The following VCPIP1 variants were observed in gnomAD, a reference collection of about 807,000 sequenced individuals.
VCPIP1 encodes the protein valosin containing protein interacting protein 1.
VCPIP1 carries 8 observed loss-of-function variants against 85.0 expected under a neutral mutation model. That is an observed-to-expected ratio of 0.09 (90% CI 0.06 to 0.17). The LOEUF is 0.17. Ranked by LOEUF, VCPIP1 falls within the 10% of genes least tolerant of loss-of-function variation. The pLI, the probability that VCPIP1 is intolerant of heterozygous loss-of-function variation, is 1.00. For synonymous variants in VCPIP1, 543 were observed against 544.5 expected (o/e 1.00, Z 0.04); for missense variants, 1,070 against 1,486.3 (o/e 0.72, Z 4.61).
intron 2 of VCPIP1, among the ~76,000 whole-genome samples, chr8:66,635,913 C>CAAAAA (rs1187108604): frequency 5.3e-5 from 4 of 75,716 alleles, no homozygotes; most frequent in Non-Finnish European, 5.3e-5. Context: ...AACTCTATCT[C>CAAAAA]AAAAAAAAAA....
chr8:66,666,913 G>A lies in VCPIP1; in HGVS notation c.46C>T (p.Pro16Ser). ...GGAGTCTGTGGAGCCTCAGGGGGAG[G>A]AGGTGGCGGCGGCAACGGAGGCGGC... is the stretch of plus-strand genomic sequence containing the variant. ...PPPPPLPPPP[P>S]PPEAPQTPSS... The change falls in exon 1 of 3, where the codon CCT (proline) becomes TCT (serine). Residue 16 changes from proline to serine, a missense_variant. Pro to Ser is a moderately conservative substitution (Grantham distance 74). Around this residue, in one of 8 missense-constraint regions of VCPIP1, gnomAD observed 164 missense variants for 158.6 expected, o/e 1.03. Coordinates refer to ENST00000310421, the MANE Select transcript of VCPIP1 (RefSeq NM_025054.5). The surrounding 1 kb of genome is among the most constrained non-coding windows in gnomAD (Gnocchi z 6.3). The A allele has an allele frequency of 6.3e-7, 1 of 1,592,044 alleles. No individual in the cohort carries two copies. The highest frequency in any genetic ancestry group is 1.9e-5 in the Admixed American group (1 of 52,400).
chr8:66,652,365 G>C (rs1429337681), intron 1 of VCPIP1, among the ~76,000 whole-genome samples: 2 of 152,180 alleles, frequency 1.3e-5, no homozygotes, highest in East Asian at 3.9e-4. Context: ...TGTAATCCCA[G>C]CACTTTGGGA....
chr8:66,637,481 ATC>A (rs1810899705), intron 2 of VCPIP1, among the ~76,000 whole-genome samples: 1 of 133,202 alleles, frequency 7.5e-6, no homozygotes, highest in Non-Finnish European at 1.5e-5. Context: ...GCAAGACTCC[ATC>A]TCAAAAAAAA....
rs1586619962 is a variant in VCPIP1, at chr8:66,633,465, GA to G, written c.*1035del. Reference sequence around the variant, plus strand: ...AGGAAACTGGCACTGAAGATTTGATGAATACACTAAGCAAATACCCAGCTGA... The same window carrying G: ...AGGAAACTGGCACTGAAGATTTGATGATACACTAAGCAAATACCCAGCTGA... On this transcript the variant is annotated 3_prime_UTR_variant, in exon 3 of 3. Coordinates refer to ENST00000310421, the MANE Select transcript of VCPIP1 (RefSeq NM_025054.5). The G allele has an allele frequency of 6.6e-6, 1 of 151,838 alleles. No individual in the cohort carries two copies. The highest frequency in any genetic ancestry group is 1.5e-5 in the Non-Finnish European group (1 of 67,884). 9.4% of individuals were successfully genotyped at this position (151,838 alleles called of 1,614,324 possible). A position where few individuals can be genotyped will look rare whatever the true frequency, so the allele number is the denominator to read the frequency against.
chr8:66,636,913 T>G (rs552136374), intron 2 of VCPIP1, among the ~76,000 whole-genome samples: 3 of 152,104 alleles, frequency 2.0e-5, no homozygotes, highest in Admixed American at 6.5e-5. Context: ...AAAATGTGCA[T>G]GATGCTGCAA....
rs779153805 is a variant in VCPIP1 at position 66,665,690 on chromosome 8, G to C, written c.1269C>G (p.Asp423Glu). Residue 423 changes from aspartate to glutamate, a missense_variant, in exon 1 of 3, where the codon GAC becomes GAG. Asp to Glu is a conservative substitution (Grantham distance 45). Transcript: ENST00000310421. The surrounding 1 kb of genome is among the most constrained non-coding windows in gnomAD (Gnocchi z 4.3). ...LVAAMEEVFM[D>E]KHGIHPSLVA... ...CCAAACTAGGATGGATACCATGTTT[G>C]TCCATAAAGACTTCTTCCATAGCAG... The C allele has an allele frequency of 6.2e-7, 1 of 1,614,092 alleles. No individual in the cohort carries two copies.
intron 2 of VCPIP1, among the ~76,000 whole-genome samples, chr8:66,650,860 CAAAAAAA>C (rs770736039): frequency 1.4e-4 from 2 of 13,914 alleles, no homozygotes; most frequent in Non-Finnish European, 2.9e-4. Flanking sequence ...GACTTCGTCT[CAAAAAAA>C]AAAAAAAAAA....
rs57563619 is a variant in VCPIP1 at position 66,639,321 on chromosome 8, CT to C, written c.2798-3950del. Among the ~76,000 whole-genome samples, 615 of 67,796 alleles carry C rather than the reference CT, an allele frequency of 9.1e-3. 2 individuals are homozygous for C. The highest frequency in any genetic ancestry group is 0.038 in the African/African-American group (570 of 15,158). The allele number at this position is 67,796 out of a possible 152,430, so 44.5% of individuals were successfully genotyped here. On this transcript the variant is annotated intron_variant, in intron 2 of 2. Transcript: ENST00000310421. ...ATATTTTAAGCCAATTAATTTTATT[CT>C]TTTTTTTTTTTTTTTTTTTTTTTTT...
chr8:66,641,043 T>C (rs1305923624), intron 2 of VCPIP1, among the ~76,000 whole-genome samples: 2 of 152,184 alleles, frequency 1.3e-5, no homozygotes, highest in Non-Finnish European at 1.5e-5. Context: ...GGGCCACAGG[T>C]ACCCCCCTAG....
chr8:66,642,071 A>G (rs527447054), intron 2 of VCPIP1, among the ~76,000 whole-genome samples: 2 of 152,188 alleles, frequency 1.3e-5, no homozygotes, highest in African/African-American at 2.4e-5. Flanking sequence ...TGAGGGTTCC[A>G]ATTTCTCTAC....
Position 66,665,462 on chromosome 8 carries a change from AT to A in VCPIP1, c.1496del (p.His499LeufsTer4). On this transcript the variant is annotated frameshift_variant, in exon 1 of 3. Transcript: ENST00000310421. LOFTEE classifies it high-confidence loss of function. This position sits in a 1 kb window ranked among gnomAD's most constrained non-coding sequence, Gnocchi z 4.3. The stretch of plus-strand genomic sequence containing the variant: ...AATTTTTGTCAGTCCTCAGCTGTCC[AT>A]GAGTACTTTTTGCCAGGTTATACAA... ...GKLYNLAKST[H>X]GQLRTDKNYS... 1 of 1,614,232 alleles carries A rather than the reference AT, an allele frequency of 6.2e-7. No homozygotes were observed. The highest frequency in any genetic ancestry group is 8.5e-7 in the Non-Finnish European group (1 of 1,180,044).
chr8:66,663,701 AATACAAATCCTAGTGTACTTAC>A (rs1811179042), intron 1 of VCPIP1, among the ~76,000 whole-genome samples: 1 of 152,344 alleles, frequency 6.6e-6, no homozygotes, highest in South Asian at 2.1e-4. Context: ...AAATTACTTA[AATACAAATCCTAGTGTACTTAC>A]ATACAAATCC....
chr8:66,645,554 C>T (rs1213166641), intron 2 of VCPIP1, among the ~76,000 whole-genome samples: 2 of 152,034 alleles, frequency 1.3e-5, no homozygotes, highest in Non-Finnish European at 2.9e-5. Flanking sequence ...ATAAATCTAA[C>T]AAACTATGTG....
intron 2 of VCPIP1, among the ~76,000 whole-genome samples, chr8:66,637,833 G>A (rs556788694): frequency 2.0e-4 from 30 of 152,088 alleles, no homozygotes; most frequent in African/African-American, 6.7e-4. Context: ...TTAGCCAGGC[G>A]TGGTGGCAGG....
Position 66,666,184 on chromosome 8 carries a change from C to A in VCPIP1, c.775G>T (p.Asp259Tyr). Residue 259 changes from aspartate to tyrosine, a missense_variant, in exon 1 of 3, where the codon GAC becomes TAC. Physicochemically the swap from Asp to Tyr is radical, Grantham distance 160 (BLOSUM62 -3). This residue lies in a region of VCPIP1 where 118 missense variants were observed against 337.1 expected (regional missense o/e 0.35). Coordinates refer to ENST00000310421, the MANE Select transcript of VCPIP1 (RefSeq NM_025054.5). This position sits in a 1 kb window ranked among gnomAD's most constrained non-coding sequence, Gnocchi z 6.3. ...HLARYQALFH[D>Y]FIDAAEWEDI... ...TCCCACTCAGCAGCATCAATGAAGTCATGGAACAGAGCTTGATATCGGGCC... is the reference window on the plus strand; with the variant it reads ...TCCCACTCAGCAGCATCAATGAAGTAATGGAACAGAGCTTGATATCGGGCC... The A allele has an allele frequency of 1.2e-6, 2 of 1,614,086 alleles. No individual in the cohort carries two copies. Among genetic ancestry groups the A allele is most frequent in the Non-Finnish European group, 1.7e-6 (2 of 1,179,994 alleles).
intron 2 of VCPIP1, 82 bp downstream of exon 2, chr8:66,651,376 G>A (rs1811052337): frequency 2.9e-6 from 3 of 1,042,632 alleles, no homozygotes; most frequent in Non-Finnish European, 2.7e-6. Context: ...AAATATTTTA[G>A]TAGAAAACTA....
intron 1 of VCPIP1, among the ~76,000 whole-genome samples, chr8:66,651,773 C>T (rs1219951112): frequency 1.3e-5 from 2 of 152,134 alleles, no homozygotes; most frequent in African/African-American, 4.8e-5. Flanking sequence ...TGGAAGAGTG[C>T]ACGCCTAGTG....
In VCPIP1 at chr8:66,664,298, C is replaced by T; in HGVS notation, c.2661G>A (p.Glu887=). The T allele has an allele frequency of 6.2e-7, 1 of 1,601,868 alleles. No homozygotes were observed. Among genetic ancestry groups the T allele is most frequent in the Non-Finnish European group, 8.5e-7 (1 of 1,172,604 alleles). Residue 887 remains glutamate (E), a synonymous_variant, in exon 1 of 3, where the codon GAG becomes GAA. Coordinates refer to ENST00000310421, the MANE Select transcript of VCPIP1 (RefSeq NM_025054.5). Reference sequence around the variant, plus strand: ...AGGAGTACATTTCTTTTTCAGCTTGCTCCTGAAGTTCCTTAGATGACAGTT... The same window carrying T: ...AGGAGTACATTTCTTTTTCAGCTTGTTCCTGAAGTTCCTTAGATGACAGTT... ...TGKLSSKELQ[E]QAEKEMYSLC...
At chr8:66,660,477 G>A (rs1427034608) in intron 1 of VCPIP1, among the ~76,000 whole-genome samples, 1 of 152,188 alleles carries the variant, frequency 6.6e-6, no homozygotes, top group Non-Finnish European at 1.5e-5. Flanking sequence ...CAGGGTGGTG[G>A]TATTTAAGCC....
Sources: allele counts gnomAD v4.1 joint callset (sites outside exome capture counted in the v4.1 genomes callset), GRCh38; gene constraint gnomAD v4.1.1; regional missense constraint gnomAD v4.1.1; non-coding constraint Gnocchi (gnomAD v3.1); transcripts MANE v1.5; gene names NCBI Gene and HGNC (gene_info 2026-07-23, HGNC 2026-07-21).